The following ADORA1 variants were observed in gnomAD, a reference collection of about 807,000 sequenced individuals.
The protein encoded by ADORA1 is adenosine receptor A1.
ADORA1 carries 6 observed loss-of-function variants against 19.9 expected under a neutral mutation model. That is an observed-to-expected ratio of 0.30 (90% CI 0.17 to 0.59). The LOEUF (loss-of-function observed/expected upper bound fraction) is 0.59. Among genes scored for constraint, ADORA1 ranks in the 20% least tolerant of loss-of-function variants. The probability of loss-of-function intolerance (pLI) is 0.87; values close to 1 mark genes in which losing one functional copy is unlikely to be tolerated. For missense variants in ADORA1, 302 were observed against 439.2 expected, an observed-to-expected ratio of 0.69 and a Z score of 2.79; for synonymous variants, 194 against 188.4, an observed-to-expected ratio of 1.03 and a Z score of -0.24.
chr1:203,149,521 C>T (rs968155863), intron 3 of ADORA1, among the ~76,000 whole-genome samples: 12 of 152,322 alleles, frequency 7.9e-5, no homozygotes, highest in African/African-American at 2.9e-4. Context: ...CCCACCTCCA[C>T]CCAGGCCGGG....
At chr1:203,130,800 G>C (rs766964456) in intron 3 of ADORA1, among the ~76,000 whole-genome samples, 1 of 152,248 alleles carries the variant, frequency 6.6e-6, no homozygotes, top group Non-Finnish European at 1.5e-5. Context: ...TACTTGCCCT[G>C]TGGGGCTGGG....
Position 203,128,858 on chromosome 1 carries a change from C to T in ADORA1, c.17C>T (p.Ser6Leu), listed in dbSNP as rs1200685354. The stretch of plus-strand genomic sequence containing the variant: ...GTGCCCGCCATGCCGCCCTCCATCT[C>T]AGCTTTCCAGGCCGCCTACATCGGC... MPPSI[S>L]AFQAAYIGIE... Residue 6 changes from serine to leucine, a missense_variant, in exon 3 of 4, where the codon TCA (serine) becomes TTA (leucine). Ser to Leu is a moderately radical substitution (Grantham distance 145, BLOSUM62 -2). Coordinates refer to ENST00000337894, the MANE Select transcript of ADORA1 (RefSeq NM_000674.3). This position sits in a 1 kb window ranked among gnomAD's most constrained non-coding sequence, Gnocchi z 5.9. 6.2e-7 allele frequency: 1 copy of T among 1,602,318 alleles called. No individual in the cohort carries two copies. The highest frequency in any genetic ancestry group is 1.3e-5 in the African/African-American group (1 of 74,864).
intron 3 of ADORA1, among the ~76,000 whole-genome samples, chr1:203,138,432 G>A (rs1161052400): frequency 2.6e-5 from 4 of 152,186 alleles, no homozygotes; most frequent in Admixed American, 1.3e-4. Context: ...CAAGAACCGA[G>A]CATTGAGAAA....
intron 3 of ADORA1, among the ~76,000 whole-genome samples, chr1:203,161,592 A>G (rs1047583235): frequency 3.0e-4 from 41 of 138,036 alleles, no homozygotes; most frequent in Middle Eastern, 4.1e-3. Flanking sequence ...TTTTTTTGAG[A>G]CAGATTTTCG....
intron 3 of ADORA1, among the ~76,000 whole-genome samples, chr1:203,136,117 G>A (rs956003646): frequency 1.3e-5 from 2 of 152,152 alleles, no homozygotes; most frequent in Non-Finnish European, 2.9e-5. Flanking sequence ...GGAGAGACAC[G>A]GCTCCTTGGG....
At position 203,165,713 on chromosome 1, in the gene ADORA1, A is replaced by G. The variant is rs202084025; in HGVS notation, c.794A>G (p.Lys265Arg). The change falls in exon 4 of 4, where the codon AAG becomes AGG. Residue 265 changes from lysine to arginine, a missense_variant. Physicochemically the swap from Lys to Arg is conservative, Grantham distance 26. Coordinates refer to ENST00000337894, the MANE Select transcript of ADORA1 (RefSeq NM_000674.3). The surrounding 1 kb of genome is among the most constrained non-coding windows in gnomAD (Gnocchi z 5.9). ...ACCCTCTTCTGCCCGTCCTGCCACA[A>G]GCCCAGCATCCTTACCTACATTGCC... is the stretch of plus-strand genomic sequence containing the variant. ...CITLFCPSCH[K>R]PSILTYIAIF... 6.2e-7 allele frequency: 1 copy of G among 1,612,382 alleles called. No homozygotes were observed. Among genetic ancestry groups the G allele is most frequent in the South Asian group, 1.1e-5 (1 of 90,840 alleles).
intron 3 of ADORA1, among the ~76,000 whole-genome samples, chr1:203,132,117 A>G (rs766840318): frequency 6.6e-6 from 1 of 152,196 alleles, no homozygotes; most frequent in Non-Finnish European, 1.5e-5. Context: ...TTTTCTTTTT[A>G]AGCTCAAATT....
At chr1:203,137,357 A>G (rs370302797) in intron 3 of ADORA1, among the ~76,000 whole-genome samples, 13 of 152,138 alleles carry the variant, frequency 8.5e-5, no homozygotes, top group African/African-American at 2.9e-4. Context: ...ATAATGGGTC[A>G]CTGGCCCAGG....
At chr1:203,136,843 C>G (rs1356586818) in intron 3 of ADORA1, among the ~76,000 whole-genome samples, 1 of 152,198 alleles carries the variant, frequency 6.6e-6, no homozygotes, top group Non-Finnish European at 1.5e-5. Flanking sequence ...ACAGATAGAC[C>G]TACTCATTCA....
Position 203,165,357 on chromosome 1 carries a change from G to A in ADORA1, c.438G>A (p.Trp146Ter), listed in dbSNP as rs775258560. The stretch of plus-strand genomic sequence containing the variant: ...TGGGACTGACCCCTATGTTTGGCTG[G>A]AACAATCTGAGTGCGGTGGAGCGGG... ...FVVGLTPMFG[W>*]NNLSAVERAW... Residue 146 changes from tryptophan to a stop codon, truncating the protein, a stop_gained, in exon 4 of 4, where the codon TGG becomes TGA. Transcript: ENST00000337894. LOFTEE classifies it high-confidence loss of function. The surrounding 1 kb of genome is among the most constrained non-coding windows in gnomAD (Gnocchi z 5.9). 6.3e-7 allele frequency: 1 copy of A among 1,588,262 alleles called. No individual in the cohort carries two copies. Among genetic ancestry groups the A allele is most frequent in the Non-Finnish European group, 8.6e-7 (1 of 1,166,750 alleles).
intron 3 of ADORA1, among the ~76,000 whole-genome samples, chr1:203,148,446 G>A (rs910348741): frequency 6.6e-6 from 1 of 152,194 alleles, no homozygotes; most frequent in African/African-American, 2.4e-5. Flanking sequence ...TATGGATGAG[G>A]AACCTAATGT....
chr1:203,129,097 C>A lies in ADORA1; in HGVS notation c.256C>A (p.Pro86Thr). The A allele has an allele frequency of 1.9e-6, 3 of 1,614,190 alleles. No individual in the cohort carries two copies. The highest frequency in any genetic ancestry group is 2.5e-6 in the Non-Finnish European group (3 of 1,180,038). Residue 86 changes from proline (P) to threonine (T), a missense_variant, in exon 3 of 4, where the codon CCG (proline) becomes ACG (threonine). Pro to Thr is a conservative substitution (Grantham distance 38). Transcript: ENST00000337894. ...YFHTCLMVAC[P>T]VLILTQSSIL... ...CCACACCTGCCTCATGGTTGCCTGT[C>A]CGGTCCTCATCCTCACCCAGAGCTC...
intron 3 of ADORA1, among the ~76,000 whole-genome samples, chr1:203,135,992 G>A (rs935581658): frequency 4.6e-5 from 7 of 152,154 alleles, no homozygotes; most frequent in Non-Finnish European, 5.9e-5. Flanking sequence ...TGAAGGCCTC[G>A]GCATCCTGAG....
At chr1:203,130,034 G>C (rs962220667) in intron 3 of ADORA1, among the ~76,000 whole-genome samples, 2 of 152,212 alleles carry the variant, frequency 1.3e-5, no homozygotes, top group Admixed American at 1.3e-4. Flanking sequence ...GAGTGCCTGG[G>C]CATATTGCCA....
At chr1:203,142,917 C>CAT (rs1257568801) in intron 3 of ADORA1, among the ~76,000 whole-genome samples, 3 of 152,092 alleles carry the variant, frequency 2.0e-5, no homozygotes, top group Admixed American at 6.5e-5. Context: ...AGCACACACA[C>CAT]CTGCCGCAAT....
intron 3 of ADORA1, among the ~76,000 whole-genome samples, chr1:203,139,588 C>T (rs1654615463): frequency 6.6e-6 from 1 of 152,236 alleles, no homozygotes; most frequent in African/African-American, 2.4e-5. Context: ...TTCTCACCAG[C>T]CATGTTCAGC....
At position 203,128,957 on chromosome 1, in the gene ADORA1, C is replaced by A; in HGVS notation, c.116C>A (p.Ala39Glu). The change falls in exon 3 of 4, where the codon GCG becomes GAG. Residue 39 changes from alanine (A) to glutamate (E), a missense_variant. Physicochemically the swap from Ala to Glu is moderately radical, Grantham distance 107. Transcript: ENST00000337894. The surrounding 1 kb of genome is among the most constrained non-coding windows in gnomAD (Gnocchi z 5.9). ...LVIWAVKVNQ[A>E]LRDATFCFIV... The stretch of plus-strand genomic sequence containing the variant: ...ATCTGGGCGGTGAAGGTGAACCAGG[C>A]GCTGCGGGATGCCACCTTCTGCTTC... 5.6e-6 allele frequency: 9 copies of A among 1,614,094 alleles called. No individual in the cohort carries two copies. The highest frequency in any genetic ancestry group is 6.8e-6 in the Non-Finnish European group (8 of 1,180,030).
At chr1:203,149,512 C>T (rs1571799392) in intron 3 of ADORA1, among the ~76,000 whole-genome samples, 1 of 152,330 alleles carries the variant, frequency 6.6e-6, no homozygotes, top group East Asian at 1.9e-4. Context: ...AGGCTGTTCC[C>T]CACCTCCACC....
In ADORA1 at chr1:203,128,543, T is replaced by C; in HGVS notation, c.-58+111T>C. 1.1e-6 allele frequency: 1 copy of C among 944,764 alleles called. No individual in the cohort carries two copies. Among genetic ancestry groups the C allele is most frequent in the Non-Finnish European group, 1.5e-6 (1 of 681,436 alleles). 58.5% of individuals were successfully genotyped at this position (944,764 alleles called of 1,614,324 possible). On this transcript the variant is annotated intron_variant, in intron 2 of 3. Transcript: ENST00000337894. The surrounding 1 kb of genome is among the most constrained non-coding windows in gnomAD (Gnocchi z 5.9). ...CGCGCGCTGGGAGCTGCCTCACACC[T>C]GATAAAAAAGCCAGTGGAGGAGTGA...
Sources: allele counts gnomAD v4.1 joint callset (sites outside exome capture counted in the v4.1 genomes callset), GRCh38; gene constraint gnomAD v4.1.1; non-coding constraint Gnocchi (gnomAD v3.1); transcripts MANE v1.5; gene names NCBI Gene and HGNC (gene_info 2026-07-23, HGNC 2026-07-21).